Variants in GALNT10 observed in about 807,000 individuals in gnomAD.
The protein encoded by GALNT10 is GalNAc transferase 10.
Under a neutral mutation model 75.0 loss-of-function variants are expected in GALNT10, and 41 were observed. The observed-to-expected ratio is 0.55, with a 90% CI of 0.43 to 0.71. The LOEUF (loss-of-function observed/expected upper bound fraction) is 0.71. Ranked by LOEUF, GALNT10 falls within the 30% of genes least tolerant of loss-of-function variation. The pLI is 0.00. For synonymous variants in GALNT10, 302 were observed against 313.0 expected (o/e 0.96, Z 0.37); for missense variants, 727 against 818.5 (o/e 0.89, Z 1.36).
chr5:154,273,746 A>G (rs1753907651), intron 1 of GALNT10, among the ~76,000 whole-genome samples: 1 of 152,218 alleles, frequency 6.6e-6, no homozygotes, highest in African/African-American at 2.4e-5. Flanking sequence ...TTATAATTGC[A>G]AATCAAATTA....
chr5:154,238,475 G>A (rs1246771256), intron 1 of GALNT10, among the ~76,000 whole-genome samples: 1 of 152,154 alleles, frequency 6.6e-6, no homozygotes, highest in East Asian at 1.9e-4. Context: ...TCTGTCTTGA[G>A]GAAGCAAAAT....
At chr5:154,337,694 A>G in intron 4 of GALNT10, 4 of 1,178,968 alleles carry the variant, frequency 3.4e-6, no homozygotes, top group African/African-American at 1.5e-5. Flanking sequence ...TACCAAATCC[A>G]TTATAGCCAT....
rs930547401 is a variant in GALNT10, at chr5:154,338,168, T to C, written c.568+8430T>C. The stretch of plus-strand genomic sequence containing the variant: ...AGAATCGCCTCTTGAGACAGCTCTC[T>C]TTGGTTCTGCAACTCTTCCATCCAC... On this transcript the variant is annotated intron_variant, in intron 4 of 11. Transcript: ENST00000297107. 3 of 795,080 alleles carry C rather than the reference T, an allele frequency of 3.8e-6. No individual in the cohort carries two copies. The African/African-American group carries it at 5.0e-5, about 13-fold the overall frequency. The allele number at this position is 795,080 out of a possible 1,614,324, so 49.3% of individuals were successfully genotyped here.
At chr5:154,237,229 G>A (rs1224193989) in intron 1 of GALNT10, among the ~76,000 whole-genome samples, 1 of 152,150 alleles carries the variant, frequency 6.6e-6, no homozygotes, top group Non-Finnish European at 1.5e-5. Context: ...TCTGCTAAAT[G>A]GGAGGATTTG....
In GALNT10 at chr5:154,402,190, C is replaced by A. The variant is rs1756182173; in HGVS notation, c.1057-1914C>A. Among the ~76,000 whole-genome samples the A allele has an allele frequency of 6.6e-6, 1 of 152,162 alleles. No individual in the cohort carries two copies. The highest frequency in any genetic ancestry group is 6.5e-5 in the Admixed American group (1 of 15,280). On this transcript the variant is annotated intron_variant, in intron 7 of 11. Transcript: ENST00000297107. The surrounding 1 kb of genome is among the most constrained non-coding windows in gnomAD (Gnocchi z 4.2). ...GACTCCTTGTTCTGCCCCGTGAGGGCCCTGCGGGAGCCCTGCCCGCGTCTC... is the reference window on the plus strand; with the variant it reads ...GACTCCTTGTTCTGCCCCGTGAGGGACCTGCGGGAGCCCTGCCCGCGTCTC...
intron 3 of GALNT10, among the ~76,000 whole-genome samples, chr5:154,303,965 C>T (rs942019458): frequency 1.3e-5 from 2 of 151,674 alleles, no homozygotes; most frequent in African/African-American, 2.4e-5. Flanking sequence ...GGTAGAGATA[C>T]GGAAGATATA....
At position 154,409,545 on chromosome 5, in the gene GALNT10, T is replaced by C; in HGVS notation, c.1169T>C (p.Leu390Pro). Residue 390 changes from leucine to proline, a missense_variant, in exon 9 of 12, where the codon CTT becomes CCT. Physicochemically the swap from Leu to Pro is moderately conservative, Grantham distance 98. Transcript: ENST00000297107. The surrounding 1 kb of genome is among the most constrained non-coding windows in gnomAD (Gnocchi z 4.5). ...CCATTGCTTCTTGCCCCATAGAACC[T>C]TAAGCGGGTGGCCGAAGTGTGGATG... ...VPAGVSLARN[L>P]KRVAEVWMDE... The C allele has an allele frequency of 6.2e-7, 1 of 1,611,408 alleles. No individual in the cohort carries two copies. Among genetic ancestry groups the C allele is most frequent in the Non-Finnish European group, 8.5e-7 (1 of 1,177,502 alleles).
intron 3 of GALNT10, among the ~76,000 whole-genome samples, chr5:154,323,701 G>A (rs1361007615): frequency 6.6e-6 from 1 of 152,212 alleles, no homozygotes; most frequent in East Asian, 1.9e-4. Flanking sequence ...ACCTCGGCAG[G>A]TTCCTTCGCC....
rs891272495 is a variant in GALNT10 at position 154,376,877 on chromosome 5, T to C, written c.754+415T>C. Among the ~76,000 whole-genome samples, 2 of 152,214 alleles carry C rather than the reference T, an allele frequency of 1.3e-5. No individual in the cohort carries two copies. ...GCTGCCACTGTGAGCCAGGCAGTTA[T>C]AAGCATTATCTAATTCTCACAAAAC... On this transcript the variant is annotated intron_variant, in intron 5 of 11. Transcript: ENST00000297107. The surrounding 1 kb of genome is among the most constrained non-coding windows in gnomAD (Gnocchi z 4.1).
At chr5:154,373,657 C>A (rs1179013541) in intron 4 of GALNT10, among the ~76,000 whole-genome samples, 1 of 152,092 alleles carries the variant, frequency 6.6e-6, no homozygotes, top group Admixed American at 6.6e-5. Context: ...TTTAAAGTCC[C>A]CCCCAGCTCT....
chr5:154,328,084 A>G (rs949689760), intron 3 of GALNT10, among the ~76,000 whole-genome samples: 24 of 19,790 alleles, frequency 1.2e-3, no homozygotes, highest in East Asian at 5.9e-3. Context: ...ATCGAAGGGG[A>G]AAAAAAAAAA....
At chr5:154,366,659 C>A (rs979616749) in intron 4 of GALNT10, among the ~76,000 whole-genome samples, 1 of 152,052 alleles carries the variant, frequency 6.6e-6, no homozygotes, top group Admixed American at 6.6e-5. Flanking sequence ...GTAGGAAAGA[C>A]AACTAAAAAA....
At chr5:154,300,204 G>A (rs1346161892) in intron 3 of GALNT10, among the ~76,000 whole-genome samples, 2 of 152,114 alleles carry the variant, frequency 1.3e-5, no homozygotes, top group East Asian at 1.9e-4. Flanking sequence ...TACTGGATTT[G>A]GAACTGTAAC....
chr5:154,260,433 C>G (rs1177041179), intron 1 of GALNT10, among the ~76,000 whole-genome samples: 1 of 152,186 alleles, frequency 6.6e-6, no homozygotes, highest in Non-Finnish European at 1.5e-5. Flanking sequence ...TGCCCCGTGC[C>G]TGGCAAAGGA....
chr5:154,246,438 G>T (rs1227419601), intron 1 of GALNT10, among the ~76,000 whole-genome samples: 1 of 152,152 alleles, frequency 6.6e-6, no homozygotes, highest in Non-Finnish European at 1.5e-5. Flanking sequence ...GTGCAAAAAT[G>T]TTCCTATTTC....
chr5:154,195,103 A>G (rs745691396), intron 1 of GALNT10, among the ~76,000 whole-genome samples: 4 of 152,208 alleles, frequency 2.6e-5, no homozygotes, highest in Non-Finnish European at 5.9e-5. Flanking sequence ...CAGGAATGAA[A>G]AGCAAAAGCC....
intron 1 of GALNT10, among the ~76,000 whole-genome samples, chr5:154,243,233 G>T (rs1753366169): frequency 6.6e-6 from 1 of 152,188 alleles, no homozygotes; most frequent in Admixed American, 6.5e-5. Flanking sequence ...GTCATTGATG[G>T]TATCACTGTA....
At chr5:154,404,725 G>GGTGGT (rs1756238615) in intron 8 of GALNT10, among the ~76,000 whole-genome samples, 1 of 152,190 alleles carries the variant, frequency 6.6e-6, no homozygotes, top group Non-Finnish European at 1.5e-5. Context: ...TATTAATACA[G>GGTGGT]GTGGTGTGGT....
chr5:154,263,844 G>C (rs1424776909), intron 1 of GALNT10, among the ~76,000 whole-genome samples: 1 of 152,028 alleles, frequency 6.6e-6, no homozygotes, highest in African/African-American at 2.4e-5. Flanking sequence ...AATTCCAGAG[G>C]GGACACAAAC....
Sources: allele counts gnomAD v4.1 joint callset (sites outside exome capture counted in the v4.1 genomes callset), GRCh38; gene constraint gnomAD v4.1.1; non-coding constraint Gnocchi (gnomAD v3.1); transcripts MANE v1.5; gene names NCBI Gene and HGNC (gene_info 2026-07-23, HGNC 2026-07-21).